The following ABCA13 variants were observed in gnomAD, a reference collection of about 807,000 sequenced individuals.
The protein encoded by ABCA13 is ATP binding cassette subfamily A member 13.
A neutral mutation model predicts 478.7 loss-of-function variants in ABCA13; 476 were observed. The ratio of observed to expected loss-of-function variants is 0.99; its 90% CI spans 0.92 to 1.07. The LOEUF (loss-of-function observed/expected upper bound fraction) is 1.07. ABCA13 is among the 50% of genes least tolerant of loss of function. The pLI is 0.00. For synonymous variants in ABCA13, 2,252 were observed against 2,158.9 expected (o/e 1.04, Z -1.20); for missense variants, 6,060 against 5,910.6 (o/e 1.03, Z -0.83).
chr7:48,353,836 A>G (rs1809449002), intron 31 of ABCA13, among the ~76,000 whole-genome samples: 1 of 151,986 alleles, frequency 6.6e-6, no homozygotes, highest in Admixed American at 6.5e-5. Context: ...AAAGAGACTA[A>G]GGCGACATTT....
chr7:48,219,793 A>G (rs1236341723), intron 4 of ABCA13, among the ~76,000 whole-genome samples: 1 of 149,402 alleles, frequency 6.7e-6, no homozygotes, highest in Admixed American at 6.7e-5. Context: ...CCTTCTCACC[A>G]CTCTGCCTAC....
intron 3 of ABCA13, among the ~76,000 whole-genome samples, chr7:48,202,504 A>G (rs1403353472): frequency 6.7e-6 from 1 of 149,084 alleles, no homozygotes; most frequent in Non-Finnish European, 1.5e-5. Flanking sequence ...AGGCCCCACC[A>G]GAGCAGCTAG....
chr7:48,214,929 G>A (rs1022830314), intron 3 of ABCA13, among the ~76,000 whole-genome samples: 1 of 152,106 alleles, frequency 6.6e-6, no homozygotes, highest in South Asian at 2.1e-4. Context: ...TTAACTGTTA[G>A]TGAATTGCAT....
chr7:48,618,729 T>G (rs1217919636), intron 59 of ABCA13, among the ~76,000 whole-genome samples: 1 of 152,194 alleles, frequency 6.6e-6, no homozygotes, highest in Non-Finnish European at 1.5e-5. Context: ...TCCCTAGTTG[T>G]CTAGTACCTG....
chr7:48,633,924 A>T (rs1301571530), intron 59 of ABCA13, among the ~76,000 whole-genome samples: 1 of 110,846 alleles, frequency 9.0e-6, no homozygotes, highest in Non-Finnish European at 1.8e-5. Context: ...ACATAGATAG[A>T]TAGATACATA....
chr7:48,608,260 T>C (rs1334774513), intron 58 of ABCA13, among the ~76,000 whole-genome samples: 2 of 152,234 alleles, frequency 1.3e-5, no homozygotes, highest in African/African-American at 4.8e-5. Context: ...TGGGCACAAG[T>C]TGTGCTCAAC....
At chr7:48,502,091 G>A (rs544440058) in intron 48 of ABCA13, among the ~76,000 whole-genome samples, 2 of 152,300 alleles carry the variant, frequency 1.3e-5, no homozygotes, top group East Asian at 3.9e-4. Context: ...ACTGTGCATA[G>A]CATACTAGCT....
At chr7:48,636,701 G>A (rs1411731699) in intron 59 of ABCA13, among the ~76,000 whole-genome samples, 2 of 152,022 alleles carry the variant, frequency 1.3e-5, no homozygotes, top group Non-Finnish European at 2.9e-5. Context: ...TTTGAATGTG[G>A]GCCTGAAGAG....
In ABCA13 at chr7:48,322,944, C is replaced by G. The variant is rs148775116; in HGVS notation, c.9999+5648C>G. Among the ~76,000 whole-genome samples, 525 of 152,240 alleles carry G rather than the reference C, an allele frequency of 3.4e-3. 2 individuals carry two copies. Among genetic ancestry groups the G allele is most frequent in the Non-Finnish European group, 5.8e-3 (394 of 68,026 alleles). On this transcript the variant is annotated intron_variant, in intron 27 of 61. Transcript: ENST00000435803. ...TGAGAATGCCCTATAATGGAATCAT[C>G]ATCTGTAACCTTTGAAAGTGGTCTC...
chr7:48,364,647 G>A (rs1197479064), intron 31 of ABCA13, among the ~76,000 whole-genome samples: 1 of 152,052 alleles, frequency 6.6e-6, no homozygotes, highest in Non-Finnish European at 1.5e-5. Flanking sequence ...TCCCACGTAT[G>A]AGTTAGAACA....
chr7:48,599,823 G>T (rs1396771865), intron 58 of ABCA13, among the ~76,000 whole-genome samples: 1 of 152,154 alleles, frequency 6.6e-6, no homozygotes, highest in Non-Finnish European at 1.5e-5. Flanking sequence ...ATGGGCTGCA[G>T]TTTTTTACTC....
chr7:48,314,474 A>G (rs17712567), intron 26 of ABCA13, 65 bp downstream of exon 26: 5 of 1,371,756 alleles, frequency 3.6e-6, no homozygotes, highest in Non-Finnish European at 4.9e-6. Flanking sequence ...TTGGCCTTAA[A>G]TTATAGTAAG....
chr7:48,477,292 G>A (rs562084895), intron 45 of ABCA13, among the ~76,000 whole-genome samples: 1 of 152,184 alleles, frequency 6.6e-6, no homozygotes, highest in Admixed American at 6.5e-5. Flanking sequence ...ACTGTTGGTG[G>A]GACTGTAAAC....
intron 51 of ABCA13, 80 bp from the exon 52 acceptor site, chr7:48,516,645 T>A (rs1321990319): frequency 7.0e-7 from 1 of 1,422,020 alleles, no homozygotes; most frequent in African/African-American, 1.4e-5. Flanking sequence ...CACCCCAAGG[T>A]CTTAGAATGT....
At chr7:48,399,241 G>T (rs370080436) in intron 38 of ABCA13, among the ~76,000 whole-genome samples, 127 of 152,316 alleles carry the variant, frequency 8.3e-4, no homozygotes, top group African/African-American at 2.9e-3. Context: ...TCAAAGACAG[G>T]AATCACAGCA....
At chr7:48,493,817 C>T (rs1467917412) in intron 48 of ABCA13, among the ~76,000 whole-genome samples, 1 of 152,218 alleles carries the variant, frequency 6.6e-6, no homozygotes, top group Non-Finnish European at 1.5e-5. Flanking sequence ...AAGTCTTTAA[C>T]AGCAGGCATT....
At chr7:48,202,316 G>A (rs950349385) in intron 3 of ABCA13, among the ~76,000 whole-genome samples, 3 of 152,108 alleles carry the variant, frequency 2.0e-5, no homozygotes, top group Non-Finnish European at 4.4e-5. Context: ...AGACACAAAG[G>A]TTCTCCACGT....
chr7:48,331,228 ATT>A (rs895820784), intron 27 of ABCA13, among the ~76,000 whole-genome samples: 12 of 152,208 alleles, frequency 7.9e-5, no homozygotes, highest in African/African-American at 2.2e-4. Flanking sequence ...GGAATAAATC[ATT>A]TTCTAAAATT....
At chr7:48,260,431 T>A (rs1189251511) in intron 15 of ABCA13, among the ~76,000 whole-genome samples, 1 of 152,096 alleles carries the variant, frequency 6.6e-6, no homozygotes, top group African/African-American at 2.4e-5. Flanking sequence ...CAGCAGTGTA[T>A]ACCTTTACCA....
Sources: gnomAD v4.1 joint callset for allele counts (sites outside exome capture counted in the v4.1 genomes callset) on GRCh38, gnomAD v4.1.1 for gene constraint, MANE v1.5 for transcripts, NCBI Gene and HGNC (gene_info 2026-07-23, HGNC 2026-07-21) for gene names.